Variants in PDE4D observed in about 807,000 individuals in gnomAD.
The protein encoded by PDE4D is 3',5'-cyclic-AMP phosphodiesterase 4D.
A neutral mutation model predicts 87.4 loss-of-function variants in PDE4D; 24 were observed. The observed-to-expected ratio is 0.27, with a 90% CI of 0.20 to 0.39. PDE4D has a LOEUF of 0.39. Among genes scored for constraint, PDE4D ranks in the 10% least tolerant of loss-of-function variants. The pLI, the probability that PDE4D is intolerant of heterozygous loss-of-function variation, is 1.00. For synonymous variants in PDE4D, 384 were observed against 383.2 expected, an observed-to-expected ratio of 1.00 and a Z score of -0.02; for missense variants, 714 against 1,041.0, an observed-to-expected ratio of 0.69 and a Z score of 4.32.
intron 1 of PDE4D, among the ~76,000 whole-genome samples, chr5:59,780,080 T>G (rs533259657): frequency 2.0e-5 from 3 of 152,246 alleles, no homozygotes; most frequent in African/African-American, 7.2e-5. Context: ...AGAGCGTCAG[T>G]GAGCCGGGCG....
At chr5:59,590,865 G>A (rs997047797) in intron 1 of PDE4D, among the ~76,000 whole-genome samples, 3 of 152,098 alleles carry the variant, frequency 2.0e-5, no homozygotes, top group Non-Finnish European at 2.9e-5. Flanking sequence ...TTGAAAGATC[G>A]CTTAATGCAT....
At chr5:60,366,724 C>A (rs1017776546) in intron 1 of PDE4D, among the ~76,000 whole-genome samples, 2 of 152,236 alleles carry the variant, frequency 1.3e-5, no homozygotes, top group African/African-American at 2.4e-5. Flanking sequence ...TCACCCCCTG[C>A]AGCCCAGCCA....
At chr5:59,883,073 C>T (rs2152747391) in intron 1 of PDE4D, among the ~76,000 whole-genome samples, 1 of 152,244 alleles carries the variant, frequency 6.6e-6, no homozygotes, top group Non-Finnish European at 1.5e-5. Context: ...GCCAAGATGC[C>T]CAGCCTCTCT....
chr5:59,430,518 T>C (rs1164217264), intron 1 of PDE4D: 3 of 941,092 alleles, frequency 3.2e-6, no homozygotes, highest in African/African-American at 1.7e-5. Context: ...TTCAGACATA[T>C]GCTGCTCACT....
rs1554032391 is a variant in PDE4D, at chr5:58,973,823, G to GTTGTT, written c.*836_*840dup. The GTTGTT allele has an allele frequency of 6.6e-6, 1 of 151,402 alleles. No homozygotes were observed. Among genetic ancestry groups the GTTGTT allele is most frequent in the Admixed American group, 6.7e-5 (1 of 15,036 alleles). The allele number at this position is 151,402 out of a possible 1,614,324, so 9.4% of individuals were successfully genotyped here. A position where few individuals can be genotyped will look rare whatever the true frequency, so the allele number is the denominator to read the frequency against. On this transcript the variant is annotated 3_prime_UTR_variant, in exon 15 of 15. Coordinates refer to ENST00000340635, the MANE Select transcript of PDE4D (RefSeq NM_001104631.2). ...CAAAAAGGGTTTCCTGCAACATAAA[G>GTTGTT]TTGTTTTTCTCTTTTAAAATATGGA... is the stretch of plus-strand genomic sequence containing the variant.
intron 1 of PDE4D, among the ~76,000 whole-genome samples, chr5:59,296,055 T>C (rs188668977): frequency 2.6e-5 from 4 of 151,926 alleles, no homozygotes; most frequent in Admixed American, 2.6e-4. Flanking sequence ...CCACTTTCAA[T>C]CGTGATGCTA....
At chr5:58,987,186 A>G (rs1746650788) in intron 11 of PDE4D, among the ~76,000 whole-genome samples, 1 of 150,314 alleles carries the variant, frequency 6.7e-6, no homozygotes, top group South Asian at 2.1e-4. Context: ...CACTGATACC[A>G]TGTAAATGCA....
chr5:59,121,963 G>A (rs1774578893), intron 5 of PDE4D, among the ~76,000 whole-genome samples: 1 of 151,954 alleles, frequency 6.6e-6, no homozygotes, highest in African/African-American at 2.4e-5. Flanking sequence ...CCAATATGGT[G>A]AAACCCCATC....
chr5:60,352,438 G>A (rs1413322627), intron 1 of PDE4D, among the ~76,000 whole-genome samples: 1 of 152,210 alleles, frequency 6.6e-6, no homozygotes, highest in African/African-American at 2.4e-5. Context: ...AAAGCAGGTA[G>A]TATGATGAGG....
chr5:59,536,207 T>TA (rs918217711), intron 1 of PDE4D, among the ~76,000 whole-genome samples: 1 of 151,892 alleles, frequency 6.6e-6, no homozygotes, highest in African/African-American at 2.4e-5. Context: ...CTGGAAAATT[T>TA]AAAAAATTAG....
intron 5 of PDE4D, among the ~76,000 whole-genome samples, chr5:59,085,946 G>A (rs2153425855): frequency 6.6e-6 from 1 of 152,262 alleles, no homozygotes; most frequent in East Asian, 1.9e-4. Context: ...GTTGTAGAAG[G>A]AAAAGAATCA....
rs1763052819 is a variant in PDE4D at position 59,061,104 on chromosome 5, A to G, written c.809-22133T>C. ...ATGTTCATATATTTCTTCTTATTCA[A>G]TAGTCTCACAAGAACACTATTCTTG... On this transcript the variant is annotated intron_variant, in intron 5 of 14. Coordinates refer to ENST00000340635, the MANE Select transcript of PDE4D (RefSeq NM_001104631.2). Among the ~76,000 whole-genome samples the G allele has an allele frequency of 2.6e-5, 4 of 152,130 alleles. 1 individual carries two copies. The highest frequency in any genetic ancestry group is 2.6e-4 in the Admixed American group (4 of 15,262).
chr5:60,121,557 C>G (rs1016876260), intron 2 of PDE4D, among the ~76,000 whole-genome samples: 1 of 152,036 alleles, frequency 6.6e-6, no homozygotes, highest in Non-Finnish European at 1.5e-5. Context: ...CTGATAAAAC[C>G]ATCAGATCTT....
At chr5:60,146,437 C>T (rs1270427293) in intron 2 of PDE4D, among the ~76,000 whole-genome samples, 4 of 152,134 alleles carry the variant, frequency 2.6e-5, no homozygotes, top group African/African-American at 7.2e-5. Flanking sequence ...AAGCTATTTA[C>T]GCAAACATAA....
chr5:59,701,411 A>T (rs1459431393), intron 1 of PDE4D, among the ~76,000 whole-genome samples: 1 of 152,192 alleles, frequency 6.6e-6, no homozygotes, highest in Non-Finnish European at 1.5e-5. Context: ...TATTATTTGT[A>T]TTATTTATGT....
At chr5:59,045,412 G>A (rs1489871884) in intron 5 of PDE4D, among the ~76,000 whole-genome samples, 2 of 152,046 alleles carry the variant, frequency 1.3e-5, no homozygotes, top group African/African-American at 2.4e-5. Flanking sequence ...AATTAGTCGG[G>A]CTTGGTGGCA....
intron 1 of PDE4D, among the ~76,000 whole-genome samples, chr5:60,463,042 C>A (rs985528060): frequency 6.6e-6 from 1 of 152,158 alleles, no homozygotes; most frequent in African/African-American, 2.4e-5. Flanking sequence ...AGAGAACCAT[C>A]AGAAACCCCT....
intron 1 of PDE4D, among the ~76,000 whole-genome samples, chr5:60,205,797 G>T (rs1742442789): frequency 6.6e-6 from 1 of 152,056 alleles, no homozygotes; most frequent in African/African-American, 2.4e-5. Context: ...TGAGACAGGA[G>T]AGTTGTTCAA....
At chr5:60,280,558 G>A (rs954195556) in intron 1 of PDE4D, among the ~76,000 whole-genome samples, 2 of 152,048 alleles carry the variant, frequency 1.3e-5, no homozygotes, top group Admixed American at 6.5e-5. Flanking sequence ...AACAAACCAG[G>A]AACAAGTACA....
Sources: gnomAD v4.1 joint callset for allele counts (sites outside exome capture counted in the v4.1 genomes callset) on GRCh38, gnomAD v4.1.1 for gene constraint, MANE v1.5 for transcripts, NCBI Gene and HGNC (gene_info 2026-07-23, HGNC 2026-07-21) for gene names.